The following NPAT variants were observed in gnomAD, a reference collection of about 807,000 sequenced individuals.
NPAT encodes protein NPAT.
NPAT carries 52 observed loss-of-function variants against 130.7 expected under a neutral mutation model. That is an observed-to-expected ratio of 0.40 (90% CI 0.32 to 0.50). The LOEUF (loss-of-function observed/expected upper bound fraction) is 0.50. Ranked by LOEUF, NPAT falls within the 20% of genes least tolerant of loss-of-function variation. NPAT has a pLI of 0.68. For synonymous variants in NPAT, 580 were observed against 584.8 expected, an observed-to-expected ratio of 0.99 and a Z score of 0.12; for missense variants, 1,687 against 1,662.6, an observed-to-expected ratio of 1.01 and a Z score of -0.26.
intron 1 of NPAT, among the ~76,000 whole-genome samples, chr11:108,205,712 AGAT>A: frequency 1.3e-5 from 2 of 152,214 alleles, no homozygotes. Flanking sequence ...GGCTAAAATG[AGAT>A]GATACTGGAG....
chr11:108,169,800 AATTGAGGGATACTTCT>A lies in NPAT; in HGVS notation c.2938_2953del (p.Arg980SerfsTer13). On this transcript the variant is annotated frameshift_variant, in exon 15 of 18. Coordinates refer to ENST00000278612, the MANE Select transcript of NPAT (RefSeq NM_002519.3). LOFTEE classifies it high-confidence loss of function. ...CTTCTGAGATTTTGGAGGGACGGGGAATTGAGGGATACTTCTATTGCATACAGGTGCTGTCAAAGGC... is the reference window on the plus strand; with the variant it reads ...CTTCTGAGATTTTGGAGGGACGGGGAATTGCATACAGGTGCTGTCAAAGGC... 1 of 1,614,004 alleles carries A rather than the reference AATTGAGGGATACTTCT, an allele frequency of 6.2e-7. No homozygotes were observed. The highest frequency in any genetic ancestry group is 8.5e-7 in the Non-Finnish European group (1 of 1,179,912).
chr11:108,220,168 T>C (rs1208679575), intron 1 of NPAT, among the ~76,000 whole-genome samples: 1 of 152,184 alleles, frequency 6.6e-6, no homozygotes, highest in Non-Finnish European at 1.5e-5. Context: ...ACAAACACTT[T>C]GATGTATTCT....
intron 12 of NPAT, among the ~76,000 whole-genome samples, chr11:108,175,369 C>A (rs1236319402): frequency 1.3e-5 from 2 of 152,196 alleles, no homozygotes; most frequent in Non-Finnish European, 2.9e-5. Context: ...GGGGACTACT[C>A]TAATTCTGTT....
chr11:108,172,328 T>C lies in NPAT; in HGVS notation c.2656A>G (p.Asn886Asp), dbSNP rs906277148. The C allele has an allele frequency of 6.2e-7, 1 of 1,614,194 alleles. No individual in the cohort carries two copies. Among genetic ancestry groups the C allele is most frequent in the Non-Finnish European group, 8.5e-7 (1 of 1,180,026 alleles). The change falls in exon 13 of 18, where the codon AAT (asparagine) becomes GAT (aspartate). Residue 886 changes from asparagine to aspartate, a missense_variant. Coordinates refer to ENST00000278612, the MANE Select transcript of NPAT (RefSeq NM_002519.3). ...TALGTSVSQS[N>D]VVVLPGNSAP... The stretch of plus-strand genomic sequence containing the variant: ...GAATTTCCAGGCAACACCACTACAT[T>C]AGACTGACTTACAGATGTTCCTAAC...
At position 108,161,628 on chromosome 11, in the gene NPAT, G is replaced by A; in HGVS notation, c.3458C>T (p.Thr1153Ile). The part of the protein sequence containing the change: ...ETQSEKKVSP[T>I]EIVLESFHKA... Reference sequence around the variant, plus strand: ...ATGGAAAGATTCAAGCACAATTTCTGTTGGTGAAACTTTCTTTTCTGATTG... The same window carrying A: ...ATGGAAAGATTCAAGCACAATTTCTATTGGTGAAACTTTCTTTTCTGATTG... The change falls in exon 17 of 18, where the codon ACA (threonine) becomes ATA (isoleucine). Residue 1153 changes from threonine to isoleucine, a missense_variant. By Grantham distance (89) the Thr-to-Ile change is moderately conservative. Coordinates refer to ENST00000278612, the MANE Select transcript of NPAT (RefSeq NM_002519.3). 1 of 1,614,092 alleles carries A rather than the reference G, an allele frequency of 6.2e-7. No homozygotes were observed. The highest frequency in any genetic ancestry group is 8.5e-7 in the Non-Finnish European group (1 of 1,180,032).
Position 108,172,518 on chromosome 11 carries a change from A to G in NPAT, c.2466T>C (p.Ser822=). 6.2e-7 allele frequency: 1 copy of G among 1,614,218 alleles called. No individual in the cohort carries two copies. The highest frequency in any genetic ancestry group is 8.5e-7 in the Non-Finnish European group (1 of 1,180,038). Residue 822 remains serine, a synonymous_variant, in exon 13 of 18, where the codon TCT becomes TCC. Transcript: ENST00000278612. The part of the protein sequence containing the change: ...QSLLTFKSED[S]AVNNTQNEDG... ...CTTCATTCTGAGTATTGTTTACTGC[A>G]GAGTCTTCAGATTTGAATGTTAAAA...
chr11:108,218,508 T>C (rs977147816), intron 1 of NPAT, among the ~76,000 whole-genome samples: 2 of 152,254 alleles, frequency 1.3e-5, no homozygotes, highest in Non-Finnish European at 2.9e-5. Flanking sequence ...CCGTACCTTA[T>C]GTTGTCTTAT....
At chr11:108,184,097 G>C (rs926893778) in intron 10 of NPAT, among the ~76,000 whole-genome samples, 1 of 152,004 alleles carries the variant, frequency 6.6e-6, no homozygotes, top group African/African-American at 2.4e-5. Flanking sequence ...AGTGACCATT[G>C]TCCCCATCTT....
intron 1 of NPAT, chr11:108,208,698 C>T (rs186861393): frequency 6.9e-5 from 19 of 274,424 alleles, no homozygotes; most frequent in African/African-American, 4.4e-4. Context: ...ACAGATAATT[C>T]AACAATAAAA....
intron 15 of NPAT, among the ~76,000 whole-genome samples, 158 bp downstream of exon 15, chr11:108,169,586 T>C (rs993457310): frequency 6.6e-6 from 1 of 152,210 alleles, no homozygotes; most frequent in African/African-American, 2.4e-5. Flanking sequence ...AGCTGTTCAG[T>C]AACAGTTGGC....
rs940984590 is a variant in NPAT, at chr11:108,162,195, G to C, written c.3011-15C>G. The C allele has an allele frequency of 4.4e-6, 7 of 1,605,518 alleles. No homozygotes were observed. Among genetic ancestry groups the C allele is most frequent in the Non-Finnish European group, 6.0e-6 (7 of 1,172,586 alleles). On this transcript the variant is annotated splice_polypyrimidine_tract_variant and intron_variant, in intron 15 of 17. Coordinates refer to ENST00000278612, the MANE Select transcript of NPAT (RefSeq NM_002519.3). The stretch of plus-strand genomic sequence containing the variant: ...TACTTGTTTTCCTGAAATTATAAAT[G>C]AACATTCCTGAGAAAAAGAATATAC...
chr11:108,199,135 A>G (rs2078251214), intron 1 of NPAT, among the ~76,000 whole-genome samples: 1 of 152,188 alleles, frequency 6.6e-6, no homozygotes, highest in Non-Finnish European at 1.5e-5. Context: ...GGCGGTGGGA[A>G]GGAGACAGAG....
At chr11:108,198,896 G>A (rs190747741) in intron 1 of NPAT, among the ~76,000 whole-genome samples, 20 of 152,240 alleles carry the variant, frequency 1.3e-4, no homozygotes, top group Non-Finnish European at 2.8e-4. Context: ...CTTCTTAAAC[G>A]CAGGACAAGA....
At chr11:108,186,618 T>G (rs765813609) in intron 7 of NPAT, 49 bp from the exon 8 acceptor site, 1 of 1,438,284 alleles carries the variant, frequency 7.0e-7, no homozygotes, top group Non-Finnish European at 9.8e-7. Context: ...ATTTAACAGA[T>G]TTAAAGATAA....
chr11:108,191,009 CA>C (rs1222040941), intron 4 of NPAT, among the ~76,000 whole-genome samples: 1 of 152,144 alleles, frequency 6.6e-6, no homozygotes, highest in African/African-American at 2.4e-5. Flanking sequence ...TTCAAGGCTA[CA>C]AGAGCTATGA....
chr11:108,175,303 C>T (rs981101734), intron 12 of NPAT, among the ~76,000 whole-genome samples: 2 of 152,170 alleles, frequency 1.3e-5, no homozygotes, highest in African/African-American at 4.8e-5. Context: ...GGCTTTGGTA[C>T]CACCCAATTT....
At chr11:108,172,165 G>A (rs758235967) in intron 13 of NPAT, 34 bp downstream of exon 13, 4 of 1,584,682 alleles carry the variant, frequency 2.5e-6, no homozygotes, top group Middle Eastern at 1.7e-4. Context: ...TCCCAACCCA[G>A]AGAAACAAAT....
chr11:108,209,944 C>A, intron 1 of NPAT, among the ~76,000 whole-genome samples: 1 of 121,820 alleles, frequency 8.2e-6, no homozygotes. Context: ...CCTTAAGAAA[C>A]TAGAAAAAGA....
At position 108,173,464 on chromosome 11, in the gene NPAT, A is replaced by T; in HGVS notation, c.1520T>A (p.Ile507Lys). ...AAGTGAAACAAATGAAGTTATTGGT[A>T]TATCAGGCTGATCAGGCTGTAACTG... The part of the protein sequence containing the change: ...ESQLQPDQPD[I>K]PITSFVSLGC... The change falls in exon 13 of 18, where the codon ATA becomes AAA. Residue 507 changes from isoleucine (I) to lysine (K), a missense_variant. Coordinates refer to ENST00000278612, the MANE Select transcript of NPAT (RefSeq NM_002519.3). 6.2e-7 allele frequency: 1 copy of T among 1,614,206 alleles called. No homozygotes were observed. The highest frequency in any genetic ancestry group is 8.5e-7 in the Non-Finnish European group (1 of 1,180,030).
Sources: gnomAD v4.1 joint callset for allele counts (sites outside exome capture counted in the v4.1 genomes callset) on GRCh38, gnomAD v4.1.1 for gene constraint, MANE v1.5 for transcripts, NCBI Gene and HGNC (gene_info 2026-07-23, HGNC 2026-07-21) for gene names.